Variants in ATRNL1 observed in about 807,000 individuals in gnomAD.
ATRNL1 encodes attractin like 1.
In ATRNL1, 95 loss-of-function variants were observed where a neutral mutation model predicts 182.7. The ratio of observed to expected loss-of-function variants is 0.52; its 90% confidence interval spans 0.44 to 0.62. ATRNL1 has a LOEUF of 0.62. ATRNL1 is among the 20% of genes least tolerant of loss of function. The probability of loss-of-function intolerance (pLI) is 0.00; values close to 1 mark genes in which losing one functional copy is unlikely to be tolerated. For synonymous variants in ATRNL1, 576 were observed against 568.3 expected, an observed-to-expected ratio of 1.01 and a Z score of -0.19; for missense variants, 1,471 against 1,679.5, an observed-to-expected ratio of 0.88 and a Z score of 2.17.
At chr10:115,763,260 T>C (rs1054681662) in intron 27 of ATRNL1, among the ~76,000 whole-genome samples, 1 of 152,174 alleles carries the variant, frequency 6.6e-6, no homozygotes, top group South Asian at 2.1e-4. Flanking sequence ...AAATCTGGAA[T>C]TGGAAACATG....
intron 19 of ATRNL1, among the ~76,000 whole-genome samples, chr10:115,370,623 A>G (rs1166579997): frequency 6.6e-6 from 1 of 152,198 alleles, no homozygotes; most frequent in Non-Finnish European, 1.5e-5. Context: ...GGTGGAAGAA[A>G]TTTCTAAGCA....
At chr10:115,606,495 A>G (rs782105267) in intron 26 of ATRNL1, among the ~76,000 whole-genome samples, 9 of 152,090 alleles carry the variant, frequency 5.9e-5, no homozygotes, top group Non-Finnish European at 1.0e-4. Flanking sequence ...GAAATAAAAT[A>G]ATGAGTTTTT....
intron 9 of ATRNL1, among the ~76,000 whole-genome samples, chr10:115,233,663 A>G (rs1288605212): frequency 6.6e-6 from 1 of 152,102 alleles, no homozygotes; most frequent in African/African-American, 2.4e-5. Context: ...GGTTTTTTAG[A>G]TATCATTATA....
At chr10:115,347,713 A>T (rs1353573316) in intron 19 of ATRNL1, among the ~76,000 whole-genome samples, 1 of 152,044 alleles carries the variant, frequency 6.6e-6, no homozygotes, top group Non-Finnish European at 1.5e-5. Flanking sequence ...ATGGTTAGTC[A>T]GTTATTATAA....
At chr10:115,823,120 G>T (rs1449465378) in intron 27 of ATRNL1, among the ~76,000 whole-genome samples, 1 of 152,124 alleles carries the variant, frequency 6.6e-6, no homozygotes, top group Non-Finnish European at 1.5e-5. Flanking sequence ...TGCAAGTCTG[G>T]TTCAACATAC....
chr10:115,810,996 T>G (rs1345403159), intron 27 of ATRNL1, among the ~76,000 whole-genome samples: 3 of 151,926 alleles, frequency 2.0e-5, no homozygotes, highest in Admixed American at 2.0e-4. Flanking sequence ...TTATTGATAT[T>G]TGTATCTTTA....
chr10:115,860,695 AGACT>A (rs1393208752), intron 28 of ATRNL1, among the ~76,000 whole-genome samples: 1 of 152,194 alleles, frequency 6.6e-6, no homozygotes, highest in African/African-American at 2.4e-5. Context: ...TTGGACAGAC[AGACT>A]GTTTCTAAAG....
At chr10:115,144,483 G>A (rs1592162119) in intron 5 of ATRNL1, among the ~76,000 whole-genome samples, 2 of 151,748 alleles carry the variant, frequency 1.3e-5, no homozygotes, top group South Asian at 2.1e-4. Flanking sequence ...TACTAGAGAC[G>A]GGGTTTCACT....
chr10:115,258,807 A>G (rs149018914), intron 10 of ATRNL1, among the ~76,000 whole-genome samples: 1 of 152,176 alleles, frequency 6.6e-6, no homozygotes, highest in Non-Finnish European at 1.5e-5. Flanking sequence ...TTTGGTCTAG[A>G]TGACCTTTTG....
At chr10:115,194,927 C>T (rs781788519) in intron 8 of ATRNL1, among the ~76,000 whole-genome samples, 1 of 150,506 alleles carries the variant, frequency 6.6e-6, no homozygotes, top group Admixed American at 6.6e-5. Flanking sequence ...AAGCTGATGA[C>T]AAATTAATTT....
chr10:115,223,060 A>G (rs1365405621), intron 9 of ATRNL1, among the ~76,000 whole-genome samples: 2 of 152,180 alleles, frequency 1.3e-5, no homozygotes, highest in Non-Finnish European at 2.9e-5. Context: ...TGGGCAGATC[A>G]CTTGAAGCCA....
intron 26 of ATRNL1, among the ~76,000 whole-genome samples, chr10:115,665,630 T>C (rs560082968): frequency 1.0e-3 from 154 of 152,318 alleles, no homozygotes; most frequent in African/African-American, 3.6e-3. Flanking sequence ...GGAAATTCTC[T>C]TTCTTCACCA....
chr10:115,429,463 G>A (rs1214517668), intron 21 of ATRNL1, among the ~76,000 whole-genome samples: 2 of 152,074 alleles, frequency 1.3e-5, no homozygotes, highest in East Asian at 1.9e-4. Context: ...CAGGTAGGAT[G>A]TTTATTATAA....
chr10:115,383,592 G>A (rs60858345), intron 19 of ATRNL1, among the ~76,000 whole-genome samples: 9,895 of 151,850 alleles, frequency 0.065, 1,058 homozygotes, highest in African/African-American at 0.23. Flanking sequence ...GCATAAGATT[G>A]ATACCTTTCC....
chr10:115,771,230 C>CT (rs35473711), intron 27 of ATRNL1, among the ~76,000 whole-genome samples: 1,883 of 131,524 alleles, frequency 0.014, 26 homozygotes, highest in African/African-American at 0.035. Context: ...AGGATTCTTA[C>CT]TTTTTTTTTT....
At chr10:115,264,572 A>C (rs1851527231) in intron 10 of ATRNL1, among the ~76,000 whole-genome samples, 1 of 151,400 alleles carries the variant, frequency 6.6e-6, no homozygotes, top group Non-Finnish European at 1.5e-5. Flanking sequence ...GTTTATATTG[A>C]AATAATACAC....
At chr10:115,135,284 A>G (rs1554876342) in intron 5 of ATRNL1, among the ~76,000 whole-genome samples, 1 of 151,992 alleles carries the variant, frequency 6.6e-6, no homozygotes, top group Non-Finnish European at 1.5e-5. Flanking sequence ...TATTTAGAAA[A>G]CCCCATCATC....
At chr10:115,417,401 C>T (rs549239845) in intron 20 of ATRNL1, among the ~76,000 whole-genome samples, 1 of 152,276 alleles carries the variant, frequency 6.6e-6, no homozygotes, top group South Asian at 2.1e-4. Flanking sequence ...GTCTGAGCCT[C>T]CTTGATAGGC....
intron 15 of ATRNL1, among the ~76,000 whole-genome samples, chr10:115,291,819 T>G (rs1193646874): frequency 7.3e-5 from 11 of 151,644 alleles, no homozygotes; most frequent in African/African-American, 1.2e-4. Context: ...GGTTTTTTTT[T>G]TTTTTTTTTT....
Sources: gnomAD v4.1 joint callset for allele counts (sites outside exome capture counted in the v4.1 genomes callset) on GRCh38, gnomAD v4.1.1 for gene constraint, MANE v1.5 for transcripts, NCBI Gene and HGNC (gene_info 2026-07-23, HGNC 2026-07-21) for gene names.